Variants in CDKAL1 observed in about 807,000 individuals in gnomAD.
The protein encoded by CDKAL1 is CDKAL1 threonylcarbamoyladenosine tRNA methylthiotransferase.
A neutral mutation model predicts 68.2 loss-of-function variants in CDKAL1; 32 were observed. The ratio of observed to expected loss-of-function variants is 0.47; its 90% CI spans 0.35 to 0.63. The LOEUF is 0.63. Among genes scored for constraint, CDKAL1 ranks in the 30% least tolerant of loss-of-function variants. The pLI, the probability that CDKAL1 is intolerant of heterozygous loss-of-function variation, is 0.00. For missense variants in CDKAL1, 606 were observed against 696.7 expected (o/e 0.87, Z 1.47); for synonymous variants, 234 against 244.3 (o/e 0.96, Z 0.39).
intron 12 of CDKAL1, among the ~76,000 whole-genome samples, chr6:21,074,802 AT>A (rs1216453750): frequency 6.6e-6 from 1 of 152,132 alleles, no homozygotes; most frequent in Non-Finnish European, 1.5e-5. Context: ...TTTCTTAAAA[AT>A]TTATTATTTT....
intron 11 of CDKAL1, among the ~76,000 whole-genome samples, chr6:21,046,306 T>A (rs1322328815): frequency 6.6e-6 from 1 of 152,236 alleles, no homozygotes; most frequent in Non-Finnish European, 1.5e-5. Context: ...AGCGGCTTTG[T>A]TCTTAAGTTT....
chr6:20,943,268 A>G (rs557221155), intron 9 of CDKAL1, among the ~76,000 whole-genome samples: 1 of 149,214 alleles, frequency 6.7e-6, no homozygotes, highest in East Asian at 1.9e-4. Flanking sequence ...GTTCTTGTAT[A>G]CAATATTGCT....
intron 11 of CDKAL1, among the ~76,000 whole-genome samples, chr6:21,022,723 CTT>C (rs1435303103): frequency 6.6e-6 from 1 of 152,190 alleles, no homozygotes; most frequent in Non-Finnish European, 1.5e-5. Context: ...ACTTCAGTCT[CTT>C]CATCCCTGTC....
At chr6:20,994,605 G>A (rs578138522) in intron 10 of CDKAL1, among the ~76,000 whole-genome samples, 3 of 152,188 alleles carry the variant, frequency 2.0e-5, no homozygotes, top group African/African-American at 7.2e-5. Context: ...ATACCTCAGA[G>A]ATACTGCAGG....
chr6:21,018,862 G>GT (rs1048140943), intron 11 of CDKAL1, among the ~76,000 whole-genome samples: 3 of 152,052 alleles, frequency 2.0e-5, no homozygotes, highest in African/African-American at 7.2e-5. Context: ...TAAAGTAGGA[G>GT]TTTTTTTCTC....
chr6:21,112,605 T>C (rs1056948768), intron 13 of CDKAL1, among the ~76,000 whole-genome samples: 10 of 152,214 alleles, frequency 6.6e-5, no homozygotes, highest in African/African-American at 2.2e-4. Flanking sequence ...GGCTTTTCTT[T>C]TTCTTTTGAT....
At chr6:21,078,686 T>G (rs753872528) in intron 12 of CDKAL1, among the ~76,000 whole-genome samples, 2 of 152,140 alleles carry the variant, frequency 1.3e-5, no homozygotes, top group Non-Finnish European at 2.9e-5. Flanking sequence ...CTGCCTCAGA[T>G]TCCTTCCTCG....
chr6:20,802,016 G>A (rs1442402248), intron 8 of CDKAL1, among the ~76,000 whole-genome samples: 1 of 151,998 alleles, frequency 6.6e-6, no homozygotes, highest in Non-Finnish European at 1.5e-5. Flanking sequence ...ATGAATGACG[G>A]CCGGGTGCAG....
intron 9 of CDKAL1, among the ~76,000 whole-genome samples, chr6:20,857,691 A>G (rs997864437): frequency 6.6e-6 from 1 of 152,188 alleles, no homozygotes; most frequent in African/African-American, 2.4e-5. Context: ...TTGTCTAGAG[A>G]ACTTTCTTAA....
chr6:20,785,436 C>G (rs1398962706), intron 8 of CDKAL1, among the ~76,000 whole-genome samples: 4 of 151,522 alleles, frequency 2.6e-5, no homozygotes, highest in Admixed American at 2.0e-4. Context: ...CTGCCTCAGC[C>G]TCCTGAGTAG....
rs1169674408 is a variant in CDKAL1, at chr6:20,641,284, T to C, written c.287-8009T>C. Among the ~76,000 whole-genome samples the C allele has an allele frequency of 2.6e-5, 4 of 152,310 alleles. No homozygotes were observed. The East Asian group carries it at 7.7e-4, about 29-fold the overall frequency. On this transcript the variant is annotated intron_variant, in intron 4 of 15. Coordinates refer to ENST00000274695, the MANE Select transcript of CDKAL1 (RefSeq NM_017774.3). ...AAACTTAAAAACATTTAAAAAGCGTTGATAAGTTTTTTAAGGGAAAAAAGG... is the reference window on the plus strand; with the variant it reads ...AAACTTAAAAACATTTAAAAAGCGTCGATAAGTTTTTTAAGGGAAAAAAGG...
chr6:20,742,275 T>C (rs919819564), intron 6 of CDKAL1, among the ~76,000 whole-genome samples: 1 of 152,172 alleles, frequency 6.6e-6, no homozygotes, highest in Non-Finnish European at 1.5e-5. Context: ...GTTTACTCTG[T>C]TGAGAGTTTC....
chr6:20,601,100 G>C (rs895503906), intron 4 of CDKAL1, among the ~76,000 whole-genome samples: 18 of 151,810 alleles, frequency 1.2e-4, no homozygotes, highest in African/African-American at 4.1e-4. Flanking sequence ...TTTCTTCCTC[G>C]CTCTCTCTGT....
intron 8 of CDKAL1, among the ~76,000 whole-genome samples, chr6:20,829,608 G>A (rs1274047372): frequency 6.6e-6 from 1 of 152,140 alleles, no homozygotes; most frequent in Non-Finnish European, 1.5e-5. Flanking sequence ...TTGTGTGCAG[G>A]AATCTTGAAA....
intron 8 of CDKAL1, among the ~76,000 whole-genome samples, chr6:20,806,424 A>G (rs1776573553): frequency 6.6e-6 from 1 of 152,208 alleles, no homozygotes; most frequent in Non-Finnish European, 1.5e-5. Flanking sequence ...CATTGTAAAT[A>G]GTGCTGCGCT....
At chr6:20,642,156 A>G (rs189051281) in intron 4 of CDKAL1, among the ~76,000 whole-genome samples, 11 of 152,332 alleles carry the variant, frequency 7.2e-5, no homozygotes, top group Non-Finnish European at 1.5e-4. Flanking sequence ...GCAAAACCAT[A>G]TGTGTATTAG....
At chr6:21,107,796 T>C (rs1452120608) in intron 12 of CDKAL1, among the ~76,000 whole-genome samples, 1 of 152,164 alleles carries the variant, frequency 6.6e-6, no homozygotes, top group Non-Finnish European at 1.5e-5. Context: ...ATATTAAGAG[T>C]TATATGCCTG....
intron 15 of CDKAL1, among the ~76,000 whole-genome samples, chr6:21,219,196 C>T (rs544745261): frequency 2.6e-5 from 4 of 152,188 alleles, no homozygotes; most frequent in South Asian, 2.1e-4. Context: ...GGTTCCAGGA[C>T]CCCCGATGGG....
At chr6:20,635,752 G>A (rs563130923) in intron 4 of CDKAL1, among the ~76,000 whole-genome samples, 3 of 152,252 alleles carry the variant, frequency 2.0e-5, no homozygotes, top group Admixed American at 6.5e-5. Flanking sequence ...TATCCTCTTA[G>A]GGTCTTTGGC....
Sources: gnomAD v4.1 joint callset for allele counts (sites outside exome capture counted in the v4.1 genomes callset) on GRCh38, gnomAD v4.1.1 for gene constraint, MANE v1.5 for transcripts, NCBI Gene and HGNC (gene_info 2026-07-23, HGNC 2026-07-21) for gene names.